Variants in RGMA observed in about 807,000 individuals in gnomAD.
The protein encoded by RGMA is repulsive guidance molecule BMP co-receptor a.
Under a neutral mutation model 23.2 loss-of-function variants are expected in RGMA, and 10 were observed. That is an observed-to-expected ratio of 0.43 (90% CI 0.27 to 0.73). The LOEUF is 0.73. Ranked by LOEUF, RGMA falls within the 30% of genes least tolerant of loss-of-function variation. The pLI is 0.20. For synonymous variants in RGMA, 308 were observed against 279.3 expected (o/e 1.10, Z -1.03); for missense variants, 547 against 630.5 (o/e 0.87, Z 1.42).
chr15:93,042,639 G>C lies in RGMA; in HGVS notation c.*2359C>G, dbSNP rs2054739136. 1 of 152,258 alleles carries C rather than the reference G, an allele frequency of 6.6e-6. No homozygotes were observed. Among genetic ancestry groups the C allele is most frequent in the Admixed American group, 6.5e-5 (1 of 15,286 alleles). 9.4% of individuals were successfully genotyped at this position (152,258 alleles called of 1,614,324 possible). A position where few individuals can be genotyped will look rare whatever the true frequency, so the allele number is the denominator to read the frequency against. On this transcript the variant is annotated 3_prime_UTR_variant, in exon 4 of 4. Transcript: ENST00000329082. The stretch of plus-strand genomic sequence containing the variant: ...AGGACAATACTAACCTAGGTGCACA[G>C]GTTGTCCTTCCCGTTGCTAAGGAGC...
intron 2 of RGMA, chr15:93,065,447 CAAAGAAAA>C: frequency 2.5e-6 from 1 of 403,886 alleles, no homozygotes; most frequent in African/African-American, 2.1e-5. Flanking sequence ...TCCTGAGTCT[CAAAGAAAA>C]GATGAAAAGC....
intron 2 of RGMA, chr15:93,066,414 T>C: frequency 1.5e-6 from 1 of 664,546 alleles, no homozygotes; most frequent in Non-Finnish European, 2.8e-6. Context: ...GGGCGGGGGT[T>C]TCCAAGGCCG....
At position 93,067,483 on chromosome 15, in the gene RGMA, G is replaced by A. The variant is rs866913532; in HGVS notation, c.130+5433C>T. Among the ~76,000 whole-genome samples, 11 of 152,270 alleles carry A rather than the reference G, an allele frequency of 7.2e-5. No homozygotes were observed. The South Asian group carries it at 1.9e-3, about 26-fold the overall frequency. ...TGGTGCTTTACAAGAGGACAAAAAC[G>A]TAAGGCCCATGAGGCACCAAGCCCA... On this transcript the variant is annotated intron_variant, in intron 2 of 3. Coordinates refer to ENST00000329082, the MANE Select transcript of RGMA (RefSeq NM_020211.3).
chr15:93,039,152 T>TC lies in RGMA; in HGVS notation c.*5845dup, dbSNP rs2054694997. Reference sequence around the variant, plus strand: ...TGTTTTTTACCCTCAAACATTGGACTCCAAGTTCTTCAGCTTTTGGACTCT... The same window carrying TC: ...TGTTTTTTACCCTCAAACATTGGACTCCCAAGTTCTTCAGCTTTTGGACTCT... On this transcript the variant is annotated 3_prime_UTR_variant, in exon 4 of 4. Coordinates refer to ENST00000329082, the MANE Select transcript of RGMA (RefSeq NM_020211.3). 6.6e-6 allele frequency: 1 copy of TC among 152,196 alleles called. No individual in the cohort carries two copies. Among genetic ancestry groups the TC allele is most frequent in the Non-Finnish European group, 1.5e-5 (1 of 68,046 alleles). 9.4% of individuals were successfully genotyped at this position (152,196 alleles called of 1,614,324 possible). A position where few individuals can be genotyped will look rare whatever the true frequency, so the allele number is the denominator to read the frequency against.
At chr15:93,073,801 C>A in intron 1 of RGMA, 2 of 1,533,292 alleles carry the variant, frequency 1.3e-6, no homozygotes, top group Non-Finnish European at 1.7e-6. Flanking sequence ...TCAAGCACCT[C>A]GCTGCTTCCT....
At chr15:93,088,644 A>C in intron 1 of RGMA, 8 of 1,020,232 alleles carry the variant, frequency 7.8e-6, no homozygotes, top group East Asian at 4.2e-5. Context: ...ACACGGTGTA[A>C]GGGACGTGTG....
At chr15:93,046,963 C>A (rs553669425) in intron 3 of RGMA, among the ~76,000 whole-genome samples, 5 of 152,102 alleles carry the variant, frequency 3.3e-5, no homozygotes, top group African/African-American at 9.7e-5. Flanking sequence ...CTAAGCACTG[C>A]ATGTATTACT....
intron 3 of RGMA, among the ~76,000 whole-genome samples, chr15:93,046,337 T>A (rs2054824079): frequency 6.6e-6 from 1 of 152,102 alleles, no homozygotes; most frequent in African/African-American, 2.4e-5. Context: ...CACCAAAAGC[T>A]GGAAATGGCA....
intron 2 of RGMA, among the ~76,000 whole-genome samples, chr15:93,060,567 G>T (rs1486614030): frequency 1.3e-5 from 2 of 152,230 alleles, no homozygotes; most frequent in African/African-American, 4.8e-5. Context: ...TTGGTGCTCA[G>T]CTTGGGACCC....
rs1024638421 is a variant in RGMA at position 93,041,207 on chromosome 15, C to T, written c.*3791G>A. 2.6e-5 allele frequency: 4 copies of T among 151,888 alleles called. No individual in the cohort carries two copies. The highest frequency in any genetic ancestry group is 4.4e-5 in the Non-Finnish European group (3 of 68,062). 9.4% of individuals were successfully genotyped at this position (151,888 alleles called of 1,614,324 possible). ...TTTTAAAGGCCATTTCTCTCCTGTC[C>T]TATAGCCTTGCACATTCTGGTTAGC... On this transcript the variant is annotated 3_prime_UTR_variant, in exon 4 of 4. Coordinates refer to ENST00000329082, the MANE Select transcript of RGMA (RefSeq NM_020211.3).
intron 1 of RGMA, among the ~76,000 whole-genome samples, chr15:93,086,932 T>C (rs1484157690): frequency 6.6e-6 from 1 of 152,178 alleles, no homozygotes; most frequent in Admixed American, 6.5e-5. Flanking sequence ...TTGAATGAGA[T>C]GCCAAGCTAT....
intron 1 of RGMA, among the ~76,000 whole-genome samples, chr15:93,086,970 A>G (rs531850608): frequency 6.6e-6 from 1 of 152,344 alleles, no homozygotes; most frequent in African/African-American, 2.4e-5. Flanking sequence ...CACAAGTCTC[A>G]TGATGACATA....
At chr15:93,073,218 G>C (rs148912324) in intron 1 of RGMA, 187 bp from the exon 2 acceptor site, 1 of 1,159,658 alleles carries the variant, frequency 8.6e-7, no homozygotes, top group African/African-American at 1.6e-5. Context: ...TCGGTTCTCC[G>C]CCAATGTCGA....
At chr15:93,047,384 G>C (rs2054840873) in intron 3 of RGMA, among the ~76,000 whole-genome samples, 2 of 152,190 alleles carry the variant, frequency 1.3e-5, no homozygotes, top group South Asian at 4.1e-4. Context: ...TGGACCAAGG[G>C]CAGCTGGAAC....
chr15:93,064,803 C>T (rs866861996), intron 2 of RGMA, among the ~76,000 whole-genome samples: 20 of 152,204 alleles, frequency 1.3e-4, no homozygotes, highest in African/African-American at 4.8e-4. Context: ...TGGGTGGCAT[C>T]GTCCTCTTTA....
rs2054677371 is a variant in RGMA at position 93,037,834 on chromosome 15, C to T, written c.*7164G>A. The T allele has an allele frequency of 6.6e-6, 1 of 152,226 alleles. No homozygotes were observed. The highest frequency in any genetic ancestry group is 1.5e-5 in the Non-Finnish European group (1 of 68,066). 9.4% of individuals were successfully genotyped at this position (152,226 alleles called of 1,614,324 possible). ...AAGAATCCAAGTGCCGTCTCAGGGT[C>T]ACCCTGGGCAAGGACAGGGTGATGC... On this transcript the variant is annotated 3_prime_UTR_variant, in exon 4 of 4. Coordinates refer to ENST00000329082, the MANE Select transcript of RGMA (RefSeq NM_020211.3). This position sits in a 1 kb window ranked among gnomAD's most constrained non-coding sequence, Gnocchi z 4.3.
intron 2 of RGMA, among the ~76,000 whole-genome samples, chr15:93,061,096 T>A (rs1567187001): frequency 1.3e-5 from 2 of 152,330 alleles, no homozygotes; most frequent in South Asian, 4.1e-4. Flanking sequence ...GTCAGTCTTC[T>A]GAGGGTTGGG....
chr15:93,049,634 C>G (rs1161984570), intron 3 of RGMA, among the ~76,000 whole-genome samples: 1 of 152,194 alleles, frequency 6.6e-6, no homozygotes, highest in East Asian at 1.9e-4. Context: ...AATAAAGGCC[C>G]CTAGTGATGC....
intron 1 of RGMA, 131 bp downstream of exon 1, chr15:93,088,788 T>C (rs1240886818): frequency 2.2e-5 from 20 of 908,536 alleles, no homozygotes; most frequent in Non-Finnish European, 2.3e-5. Context: ...AAGCTCCAAA[T>C]GTGGGCAAGA....
Sources: gnomAD v4.1 joint callset for allele counts (sites outside exome capture counted in the v4.1 genomes callset) on GRCh38, gnomAD v4.1.1 for gene constraint, Gnocchi (gnomAD v3.1) non-coding constraint, MANE v1.5 for transcripts, NCBI Gene and HGNC (gene_info 2026-07-23, HGNC 2026-07-21) for gene names.